Variants in FOXO4 observed in about 807,000 individuals in gnomAD.
FOXO4 encodes forkhead box protein O4.
Under a neutral mutation model 20.8 loss-of-function variants are expected in FOXO4, and 3 were observed. That is an observed-to-expected ratio of 0.14 (90% CI 0.07 to 0.37). The LOEUF is 0.37. FOXO4 is among the 10% of genes least tolerant of loss of function. The pLI, the probability that FOXO4 is intolerant of heterozygous loss-of-function variation, is 1.00. For synonymous variants in FOXO4, 158 were observed against 180.0 expected (o/e 0.88, Z 0.98); for missense variants, 309 against 431.9 (o/e 0.72, Z 2.52).
At chrX:71,100,596 G>A (rs1281160358) in intron 1 of FOXO4, 88 bp from the exon 2 acceptor site, 4 of 673,142 alleles carry the variant, frequency 5.9e-6, no homozygotes, top group Non-Finnish European at 8.6e-6. Context: ...AGATCATCAG[G>A]GTCCAGCATC....
chrX:71,100,692 C>G lies in FOXO4; in HGVS notation c.462C>G (p.Ile154Met). The G allele has an allele frequency of 8.4e-7, 1 of 1,186,964 alleles. No individual in the cohort carries two copies. Among genetic ancestry groups the G allele is most frequent in the Non-Finnish European group, 1.1e-6 (1 of 881,469 alleles). ...CATCTCTGCCCCTCCAGAACTCGAT[C>G]CGCCACAACCTGTCCCTGCACAGCA... Reference protein sequence around the residue: ...SNSSAGWKNSIRHNLSLHSKF... With the variant: ...SNSSAGWKNSMRHNLSLHSKF... The change falls in exon 2 of 3, where the codon ATC becomes ATG. Residue 154 changes from isoleucine (I) to methionine (M), a missense_variant. Ile to Met is a conservative substitution (Grantham distance 10). Coordinates refer to ENST00000374259, the MANE Select transcript of FOXO4 (RefSeq NM_005938.4).
rs1392793929 is a variant in FOXO4, at chrX:71,102,834, A to G, written c.*750A>G. ...GGAGAGGTGGGGAGTAATAGTAAAC[A>G]CAGGGAAGAGCTCCCCTACGGACCA... On this transcript the variant is annotated 3_prime_UTR_variant, in exon 3 of 3. Transcript: ENST00000374259. 1 of 170,107 alleles carries G rather than the reference A, an allele frequency of 5.9e-6. No individual in the cohort carries two copies. The highest frequency in any genetic ancestry group is 8.1e-5 in the Admixed American group (1 of 12,350). 14.0% of individuals were successfully genotyped at this position (170,107 alleles called of 1,213,427 possible). A position where few individuals can be genotyped will look rare whatever the true frequency, so the allele number is the denominator to read the frequency against.
intron 1 of FOXO4, 26 bp downstream of exon 1, chrX:71,097,007 C>T: frequency 2.6e-6 from 3 of 1,151,040 alleles, no homozygotes; most frequent in Non-Finnish European, 3.5e-6. Flanking sequence ...TTACCTTCTT[C>T]CCAACACCAT....
At chrX:71,099,678 C>CA (rs886150288) in intron 1 of FOXO4, among the ~76,000 whole-genome samples, 2 of 111,646 alleles carry the variant, frequency 1.8e-5, no homozygotes, top group African/African-American at 6.5e-5. Flanking sequence ...ATTTGGCTGC[C>CA]AAAGTCAAGC....
At chrX:71,100,654 G>A (rs1241509054) in intron 1 of FOXO4, 30 bp from the exon 2 acceptor site, 28 of 1,122,293 alleles carry the variant, frequency 2.5e-5, no homozygotes, top group Middle Eastern at 2.5e-4. Context: ...AGTACCTCAC[G>A]CCCCTTTCCT....
At chrX:71,097,123 C>T in intron 1 of FOXO4, 142 bp downstream of exon 1, 1 of 471,655 alleles carries the variant, frequency 2.1e-6, no homozygotes. Flanking sequence ...CTTCAATCTC[C>T]AGTTAGACAA....
rs1223985690 is a variant in FOXO4, at chrX:71,100,964, G to A, written c.734G>A (p.Arg245Gln). The change falls in exon 2 of 3, where the codon CGA becomes CAA. Residue 245 changes from arginine to glutamine, a missense_variant. Coordinates refer to ENST00000374259, the MANE Select transcript of FOXO4 (RefSeq NM_005938.4). ...AAGTGGTCAGGCAGCCCTTGCTCTC[G>A]AAACCGTGAAGAAGCCGATATGTGG... ...FAKWSGSPCSRNREEADMWTT... is the reference protein window; with the variant it reads ...FAKWSGSPCSQNREEADMWTT... 1.7e-6 allele frequency: 2 copies of A among 1,209,451 alleles called. No individual in the cohort carries two copies. The highest frequency in any genetic ancestry group is 2.2e-5 in the Admixed American group (1 of 45,780).
In FOXO4 at chrX:71,101,076, G is replaced by A. The variant is rs1449817786; in HGVS notation, c.846G>A (p.Ala282=). 2.5e-6 allele frequency: 3 copies of A among 1,209,916 alleles called. No homozygotes were observed. Among genetic ancestry groups the A allele is most frequent in the Non-Finnish European group, 3.4e-6 (3 of 895,120 alleles). The change falls in exon 2 of 3, where the codon GCG becomes GCA. Residue 282 remains alanine, a synonymous_variant. Transcript: ENST00000374259. ...SPLRPESEVL[A]EEIPASVSSY... ...TGAGGCCAGAGTCTGAGGTGCTGGC[G>A]GAGGAAATACCAGCTTCAGTCAGCA...
In FOXO4 at chrX:71,096,885, G is replaced by T. The variant is rs2092219618; in HGVS notation, c.357G>T (p.Glu119Asp). The T allele has an allele frequency of 1.7e-6, 2 of 1,207,537 alleles. No individual in the cohort carries two copies. The highest frequency in any genetic ancestry group is 2.2e-5 in the Admixed American group (1 of 45,625). The change falls in exon 1 of 3, where the codon GAG becomes GAT. Residue 119 changes from glutamate to aspartate, a missense_variant. Transcript: ENST00000374259. The part of the protein sequence containing the change: ...LISQAIESAP[E>D]KRLTLAQIYE... ...GCCAGGCCATTGAAAGCGCCCCGGA[G>T]AAGCGACTGACACTTGCCCAGATCT...
chrX:71,098,471 G>A (rs1229578024), intron 1 of FOXO4, among the ~76,000 whole-genome samples: 1 of 112,209 alleles, frequency 8.9e-6, no homozygotes, highest in East Asian at 2.8e-4. Context: ...GCCTGAACTG[G>A]CCTCCCTGAT....
chrX:71,097,637 T>C (rs967790266), intron 1 of FOXO4, among the ~76,000 whole-genome samples: 4 of 112,033 alleles, frequency 3.6e-5, no homozygotes, highest in African/African-American at 9.7e-5. Context: ...ATCCAAGTTT[T>C]GGGGGGAAGT....
In FOXO4 at chrX:71,096,375, C is replaced by T; in HGVS notation, c.-154C>T. The T allele has an allele frequency of 2.1e-6, 1 of 486,731 alleles. No individual in the cohort carries two copies. The highest frequency in any genetic ancestry group is 3.6e-6 in the Non-Finnish European group (1 of 277,491). The allele number at this position is 486,731 out of a possible 1,213,427, so 40.1% of individuals were successfully genotyped here. ...ACTGTGTGAAGGGACAGCTTAGGGA[C>T]TAGCGTCCTGGGACTAGGGGGAAGT... is the stretch of plus-strand genomic sequence containing the variant. On this transcript the variant is annotated 5_prime_UTR_variant, in exon 1 of 3. Transcript: ENST00000374259.
In FOXO4 at chrX:71,096,574, A is replaced by C. The variant is rs1458340494; in HGVS notation, c.46A>C (p.Ile16Leu). ...TTCAGCCACAGAGGCTGCCGCGATCATAGACCTAGATCCCGACTTCGAACC... is the reference window on the plus strand; with the variant it reads ...TTCAGCCACAGAGGCTGCCGCGATCCTAGACCTAGATCCCGACTTCGAACC... ...ENSATEAAAI[I>L]DLDPDFEPQS... The change falls in exon 1 of 3, where the codon ATA becomes CTA. Residue 16 changes from isoleucine to leucine, a missense_variant. Transcript: ENST00000374259. The C allele has an allele frequency of 8.3e-7, 1 of 1,208,476 alleles. No homozygotes were observed. Among genetic ancestry groups the C allele is most frequent in the Non-Finnish European group, 1.1e-6 (1 of 894,208 alleles).
rs1387225245 is a variant in FOXO4 at position 71,095,866 on chromosome X, G to C, written c.-663G>C. On this transcript the variant is annotated 5_prime_UTR_variant, in exon 1 of 3. Transcript: ENST00000374259. Reference sequence around the variant, plus strand: ...AGGCGCGTGCGCAGATGGCTGCCCCGGCGAGTGGTAAACAGAGACGTCAGG... The same window carrying C: ...AGGCGCGTGCGCAGATGGCTGCCCCCGCGAGTGGTAAACAGAGACGTCAGG... Among the ~76,000 whole-genome samples the C allele has an allele frequency of 9.8e-6, 1 of 101,673 alleles. No individual in the cohort carries two copies. Among genetic ancestry groups the C allele is most frequent in the Non-Finnish European group, 2.0e-5 (1 of 50,220 alleles). 88.3% of individuals were successfully genotyped at this position (101,673 alleles called of 115,157 possible).
rs776632166 is a variant in FOXO4, at chrX:71,101,653, T to C, written c.1423T>C (p.Tyr475His). 1.7e-6 allele frequency: 2 copies of C among 1,210,607 alleles called. No individual in the cohort carries two copies. Among genetic ancestry groups the C allele is most frequent in the Non-Finnish European group, 2.2e-6 (2 of 894,434 alleles). ...GCCTCAGGATCTAGATCTTGATATG[T>C]ATATGGAGAACCTGGAGTGTGACAT... ...RMPQDLDLDM[Y>H]MENLECDMDN... The change falls in exon 2 of 3, where the codon TAT becomes CAT. Residue 475 changes from tyrosine (Y) to histidine (H), a missense_variant. Physicochemically the swap from Tyr to His is moderately conservative, Grantham distance 83 (BLOSUM62 2). Transcript: ENST00000374259.
In FOXO4 at chrX:71,096,784, G is replaced by C. The variant is rs1284301924; in HGVS notation, c.256G>C (p.Gly86Arg). Residue 86 changes from glycine (G) to arginine (R), a missense_variant, in exon 1 of 3, where the codon GGG becomes CGG. Transcript: ENST00000374259. ...PAGGPQPGILGAVTGPRKGGS... is the reference protein window; with the variant it reads ...PAGGPQPGILRAVTGPRKGGS... ...CGGGGGCCCCCAGCCCGGAATCCTG[G>C]GGGCTGTAACAGGTCCTCGGAAGGG... is the stretch of plus-strand genomic sequence containing the variant. 8.3e-7 allele frequency: 1 copy of C among 1,200,992 alleles called. No homozygotes were observed.
intron 1 of FOXO4, 46 bp downstream of exon 1, chrX:71,097,027 G>A: frequency 9.3e-7 from 1 of 1,073,201 alleles, no homozygotes; most frequent in Non-Finnish European, 1.3e-6. Flanking sequence ...TCTACCCCCT[G>A]GACCCCCTAG....
rs190467953 is a variant in FOXO4 at position 71,100,874 on chromosome X, A to G, written c.644A>G (p.Lys215Arg). 7.4e-5 allele frequency: 89 copies of G among 1,209,169 alleles called. No homozygotes were observed. In the African/African-American group the frequency reaches 1.2e-3, roughly 16 times the overall value. Residue 215 changes from lysine to arginine, a missense_variant, in exon 2 of 3, where the codon AAA (lysine) becomes AGA (arginine). By Grantham distance (26) the Lys-to-Arg change is conservative. Transcript: ENST00000374259. ...GGCCGCAGTAAAGCCCCCAAGAAGAAACCATCTGTGCTGCCAGCTCCACCC... is the reference window on the plus strand; with the variant it reads ...GGCCGCAGTAAAGCCCCCAAGAAGAGACCATCTGTGCTGCCAGCTCCACCC... ...LRGRSKAPKKKPSVLPAPPEG... is the reference protein window; with the variant it reads ...LRGRSKAPKKRPSVLPAPPEG...
rs752923215 is a variant in FOXO4, at chrX:71,096,708, G to A, written c.180G>A (p.Thr60=). The A allele has an allele frequency of 3.9e-5, 47 of 1,206,867 alleles. No homozygotes were observed. The African/African-American group carries it at 7.2e-4, about 18-fold the overall frequency. ...CAGATCTGGGGGAAAAGGTACACAC[G>A]GAGGGGCGCTCAGAGCCGATCCTGT... is the stretch of plus-strand genomic sequence containing the variant. ...VEPDLGEKVH[T]EGRSEPILLP... is the part of the protein sequence containing the mutation. Residue 60 remains threonine, a synonymous_variant, in exon 1 of 3, where the codon ACG becomes ACA. Coordinates refer to ENST00000374259, the MANE Select transcript of FOXO4 (RefSeq NM_005938.4).
Sources: gnomAD v4.1 joint callset for allele counts (sites outside exome capture counted in the v4.1 genomes callset) on GRCh38, gnomAD v4.1.1 for gene constraint, MANE v1.5 for transcripts, NCBI Gene and HGNC (gene_info 2026-07-23, HGNC 2026-07-21) for gene names.